The following NAALADL2 variants were observed in gnomAD, a reference collection of about 807,000 sequenced individuals.
NAALADL2 encodes N-acetylated alpha-linked acidic dipeptidase like 2.
A neutral mutation model predicts 87.2 loss-of-function variants in NAALADL2; 76 were observed. The observed-to-expected ratio is 0.87, with a 90% CI of 0.72 to 1.05. The LOEUF (loss-of-function observed/expected upper bound fraction) is 1.05, where lower values mean the gene tolerates loss of function less well. Ranked by LOEUF, NAALADL2 falls within the 50% of genes least tolerant of loss-of-function variation. NAALADL2 has a pLI of 0.00. For synonymous variants in NAALADL2, 354 were observed against 331.0 expected (o/e 1.07, Z -0.75); for missense variants, 1,089 against 945.8 (o/e 1.15, Z -1.99).
At chr3:175,428,816 C>A (rs1235459456) in intron 5 of NAALADL2, among the ~76,000 whole-genome samples, 1 of 152,054 alleles carries the variant, frequency 6.6e-6, no homozygotes, top group Non-Finnish European at 1.5e-5. Context: ...TAAATCTGAT[C>A]ATGCCATCTG....
At chr3:175,097,348 CA>C (rs1721337668) in intron 2 of NAALADL2, 57 bp downstream of exon 2, 1 of 1,495,184 alleles carries the variant, frequency 6.7e-7, no homozygotes, top group Non-Finnish European at 9.1e-7. Flanking sequence ...AAATGTCTCA[CA>C]GGGGGTATTG....
intron 11 of NAALADL2, among the ~76,000 whole-genome samples, chr3:175,730,050 A>G (rs184496310): frequency 2.0e-5 from 3 of 152,182 alleles, no homozygotes; most frequent in Non-Finnish European, 2.9e-5. Context: ...AAATTACATT[A>G]TAGACCCAGG....
chr3:174,467,122 A>G (rs1486892748), intron 1 of NAALADL2, among the ~76,000 whole-genome samples: 5 of 152,208 alleles, frequency 3.3e-5, no homozygotes, highest in Admixed American at 6.5e-5. Flanking sequence ...AAGTACTCAT[A>G]TATTGCTAAT....
chr3:174,895,901 A>T, intron 1 of NAALADL2, among the ~76,000 whole-genome samples: 1 of 152,174 alleles, frequency 6.6e-6, no homozygotes, highest in East Asian at 1.9e-4. Context: ...TATGCAAATT[A>T]ATCATTGTGA....
intron 3 of NAALADL2, among the ~76,000 whole-genome samples, chr3:174,839,735 A>G (rs1473491171): frequency 6.6e-6 from 1 of 152,172 alleles, no homozygotes; most frequent in Non-Finnish European, 1.5e-5. Context: ...GCCATCAAAC[A>G]TGAAAAACAT....
chr3:174,527,253 G>C (rs1394443054), intron 1 of NAALADL2, among the ~76,000 whole-genome samples: 1 of 152,070 alleles, frequency 6.6e-6, no homozygotes, highest in Non-Finnish European at 1.5e-5. Context: ...GGGCGCAGTG[G>C]GTCAGGCCTG....
chr3:175,297,397 A>G (rs1351679446), intron 4 of NAALADL2, among the ~76,000 whole-genome samples: 1 of 152,160 alleles, frequency 6.6e-6, no homozygotes, highest in Non-Finnish European at 1.5e-5. Flanking sequence ...CTCAAACTGC[A>G]ATTTTCACCA....
chr3:175,659,921 A>G (rs1334975602), intron 11 of NAALADL2, among the ~76,000 whole-genome samples: 3 of 152,198 alleles, frequency 2.0e-5, no homozygotes, highest in Non-Finnish European at 4.4e-5. Context: ...TCAGGCTGCT[A>G]TAAGAAAATA....
chr3:174,933,477 C>A (rs1487750440), intron 1 of NAALADL2, among the ~76,000 whole-genome samples: 1 of 152,162 alleles, frequency 6.6e-6, no homozygotes, highest in African/African-American at 2.4e-5. Context: ...TACGTTGCCT[C>A]ATTATAGGTT....
At chr3:175,189,886 A>G (rs1335006754) in intron 2 of NAALADL2, among the ~76,000 whole-genome samples, 1 of 152,220 alleles carries the variant, frequency 6.6e-6, no homozygotes, top group East Asian at 1.9e-4. Context: ...ACAGAAAAAG[A>G]CAGTGAAACA....
At chr3:175,521,287 G>T (rs768523254) in intron 9 of NAALADL2, among the ~76,000 whole-genome samples, 4 of 151,900 alleles carry the variant, frequency 2.6e-5, no homozygotes, top group Non-Finnish European at 5.9e-5. Flanking sequence ...TGAGACAAAA[G>T]AAATGATATT....
chr3:175,178,161 T>G (rs1450651640), intron 2 of NAALADL2, among the ~76,000 whole-genome samples: 1 of 151,954 alleles, frequency 6.6e-6, no homozygotes, highest in African/African-American at 2.4e-5. Flanking sequence ...TTAGGAAGAT[T>G]AGGGGAGTTA....
At chr3:174,468,139 G>A (rs997620157) in intron 1 of NAALADL2, among the ~76,000 whole-genome samples, 21 of 151,980 alleles carry the variant, frequency 1.4e-4, no homozygotes, top group Admixed American at 1.3e-3. Flanking sequence ...TCAGGTAGGC[G>A]GTTTTGTTCA....
intron 1 of NAALADL2, among the ~76,000 whole-genome samples, chr3:175,080,201 G>A (rs986846478): frequency 2.0e-5 from 3 of 152,108 alleles, no homozygotes; most frequent in African/African-American, 7.2e-5. Flanking sequence ...TCCTGACCTC[G>A]TGATCCACGC....
At chr3:175,786,650 C>G (rs1475879253) in intron 13 of NAALADL2, among the ~76,000 whole-genome samples, 1 of 152,098 alleles carries the variant, frequency 6.6e-6, no homozygotes, top group Non-Finnish European at 1.5e-5. Context: ...TTTGAATGTC[C>G]TCTCGTAGCT....
chr3:175,376,441 G>A (rs778888829), intron 5 of NAALADL2, among the ~76,000 whole-genome samples: 16 of 152,002 alleles, frequency 1.1e-4, no homozygotes, highest in Non-Finnish European at 1.9e-4. Context: ...CTTTAATGAT[G>A]TTGTTCTATA....
intron 1 of NAALADL2, among the ~76,000 whole-genome samples, chr3:174,887,825 T>G (rs1730363054): frequency 6.6e-6 from 1 of 151,860 alleles, no homozygotes; most frequent in South Asian, 2.1e-4. Context: ...GAGCATCTTT[T>G]TTTTTTTTTT....
At chr3:175,462,837 G>A (rs1723352735) in intron 6 of NAALADL2, among the ~76,000 whole-genome samples, 1 of 152,010 alleles carries the variant, frequency 6.6e-6, no homozygotes, top group Non-Finnish European at 1.5e-5. Flanking sequence ...TAGAGGTAAG[G>A]GACCTACAAA....
intron 1 of NAALADL2, among the ~76,000 whole-genome samples, chr3:174,894,020 C>A (rs1055444224): frequency 6.6e-6 from 1 of 152,004 alleles, no homozygotes; most frequent in Admixed American, 6.6e-5. Context: ...AAAGATATTT[C>A]TTGTCAATGG....
Sources: gnomAD v4.1 joint callset for allele counts (sites outside exome capture counted in the v4.1 genomes callset) on GRCh38, gnomAD v4.1.1 for gene constraint, MANE v1.5 for transcripts, NCBI Gene and HGNC (gene_info 2026-07-23, HGNC 2026-07-21) for gene names.